Variants in STS observed in about 807,000 individuals in gnomAD.
The protein encoded by STS is steroid sulfatase.
A neutral mutation model predicts 26.8 loss-of-function variants in STS; 7 were observed. The ratio of observed to expected loss-of-function variants is 0.26; its 90% CI spans 0.15 to 0.49. The LOEUF (loss-of-function observed/expected upper bound fraction) is 0.49. Among genes scored for constraint, STS ranks in the 20% least tolerant of loss-of-function variants. The probability of loss-of-function intolerance (pLI) is 0.98; values close to 1 mark genes in which losing one functional copy is unlikely to be tolerated. For missense variants in STS, 434 were observed against 465.6 expected, an observed-to-expected ratio of 0.93 and a Z score of 0.63; for synonymous variants, 199 against 189.4, an observed-to-expected ratio of 1.05 and a Z score of -0.42.
chrX:7,148,351 C>T lies in STS; in HGVS notation c.-134+268C>T, dbSNP rs777465461. ...TGCAGACCCGGGATGCGGCGCGGGC[C>T]GGCGCTGTATGTTTACCCGCATCAA... On this transcript the variant is annotated intron_variant, in intron 1 of 10. Transcript: ENST00000674429. Among the ~76,000 whole-genome samples, 414 of 112,624 alleles carry T rather than the reference C, an allele frequency of 3.7e-3. 2 individuals carry two copies. The highest frequency in any genetic ancestry group is 5.5e-3 in the Non-Finnish European group (291 of 53,152).
rs779583044 is a variant in STS at position 7,350,468 on chromosome X, G to T, written c.*207G>T. 9.9e-4 allele frequency: 478 copies of T among 483,064 alleles called. No individual in the cohort carries two copies. Among genetic ancestry groups the T allele is most frequent in the Non-Finnish European group, 1.4e-3 (399 of 294,170 alleles). 39.8% of individuals were successfully genotyped at this position (483,064 alleles called of 1,213,427 possible). A position where few individuals can be genotyped will look rare whatever the true frequency, so the allele number is the denominator to read the frequency against. On this transcript the variant is annotated 3_prime_UTR_variant, in exon 11 of 11. Coordinates refer to ENST00000674429, the MANE Select transcript of STS (RefSeq NM_001320752.2). ...GGATAAGGTCTGTAGTATACAGACA[G>T]GAAGATGGTAGGTTTATGCCTTCTG...
At chrX:7,332,491 G>A (rs996685686) in intron 9 of STS, among the ~76,000 whole-genome samples, 16 of 110,040 alleles carry the variant, frequency 1.5e-4, no homozygotes, top group Non-Finnish European at 2.8e-4. Flanking sequence ...CCAGAAAATG[G>A]GGATTTCATC....
chrX:7,161,596 G>A (rs998235823), intron 1 of STS, among the ~76,000 whole-genome samples: 1 of 111,764 alleles, frequency 8.9e-6, no homozygotes. Flanking sequence ...GTTATCTTAT[G>A]AGCAATTATA....
chrX:7,302,535 C>T (rs1191681577), intron 7 of STS, among the ~76,000 whole-genome samples: 9 of 111,649 alleles, frequency 8.1e-5, no homozygotes, highest in Admixed American at 6.7e-4. Context: ...CTGAGTATGA[C>T]ATTTACATAT....
At chrX:7,157,357 C>T (rs183982645) in intron 1 of STS, among the ~76,000 whole-genome samples, 1 of 111,336 alleles carries the variant, frequency 9.0e-6, no homozygotes, top group African/African-American at 3.3e-5. Flanking sequence ...CACCAACAGT[C>T]TCTCTTATGG....
chrX:7,207,784 C>G (rs1920960879), intron 2 of STS, among the ~76,000 whole-genome samples: 2 of 112,322 alleles, frequency 1.8e-5, no homozygotes, highest in Non-Finnish European at 3.8e-5. Flanking sequence ...AGGAACTTCA[C>G]AAGTAACTGA....
Position 7,346,710 on chromosome X carries a change from A to G in STS, c.1364-3178A>G, listed in dbSNP as rs747608105. 2.7e-5 allele frequency among the ~76,000 whole-genome samples: 3 copies of G among 112,292 alleles called. No homozygotes were observed. In the East Asian group the frequency reaches 8.4e-4, roughly 31 times the overall value. On this transcript the variant is annotated intron_variant, in intron 10 of 10. Transcript: ENST00000674429. ...TTTAACATTTTTCTAGTATATGAGG[A>G]TACTCAGGATGAAGTATGTTATCAA... is the stretch of plus-strand genomic sequence containing the variant.
rs1934204582 is a variant in STS, at chrX:7,205,633, T to TC, written c.-5+14626dup. Reference sequence around the variant, plus strand: ...TCTTTTCTTTCGTTTTCTTTTCTTTTCTTTTTTCTTTTTTTTTTTTTTTGA... The same window carrying TC: ...TCTTTTCTTTCGTTTTCTTTTCTTTTCCTTTTTTCTTTTTTTTTTTTTTTGA... On this transcript the variant is annotated intron_variant, in intron 2 of 10. Transcript: ENST00000674429. 6.3e-5 allele frequency among the ~76,000 whole-genome samples: 6 copies of TC among 95,705 alleles called. No homozygotes were observed. The South Asian group carries it at 3.2e-3, about 51-fold the overall frequency. The allele number at this position is 95,705 out of a possible 115,157, so 83.1% of individuals were successfully genotyped here.
At chrX:7,256,807 G>A (rs765953146) in intron 3 of STS, among the ~76,000 whole-genome samples, 3 of 111,831 alleles carry the variant, frequency 2.7e-5, no homozygotes, top group Non-Finnish European at 3.8e-5. Context: ...CATCTGCATG[G>A]TTTTGTTGTA....
intron 2 of STS, chrX:7,219,738 C>G: frequency 8.5e-7 from 1 of 1,183,176 alleles, no homozygotes; most frequent in Non-Finnish European, 1.2e-6. Flanking sequence ...CTGAAACATA[C>G]TAGTTGGGAT....
At chrX:7,325,205 G>T in intron 8 of STS, 134 bp from the exon 9 acceptor site, 1 of 648,228 alleles carries the variant, frequency 1.5e-6, no homozygotes, top group South Asian at 2.4e-5. Flanking sequence ...ATTGCTCATG[G>T]AATACTCATA....
Position 7,148,082 on chromosome X carries a change from A to T in STS, c.-135A>T. 8.9e-7 allele frequency: 1 copy of T among 1,125,018 alleles called. No individual in the cohort carries two copies. The highest frequency in any genetic ancestry group is 1.2e-6 in the Non-Finnish European group (1 of 849,644). 92.7% of individuals were successfully genotyped at this position (1,125,018 alleles called of 1,213,427 possible). On this transcript the variant is annotated splice_region_variant and 5_prime_UTR_variant, in exon 1 of 11. Transcript: ENST00000674429. Reference sequence around the variant, plus strand: ...AAGAAGTCCGTCCATGTCAAAGATGAGGTGGGTGACGGGCTGCGGGGGCGC... The same window carrying T: ...AAGAAGTCCGTCCATGTCAAAGATGTGGTGGGTGACGGGCTGCGGGGGCGC...
intron 2 of STS, among the ~76,000 whole-genome samples, chrX:7,222,838 G>C (rs749092451): frequency 5.4e-5 from 6 of 111,309 alleles, no homozygotes; most frequent in African/African-American, 2.0e-4. Context: ...TGGACTTTTA[G>C]TGTACCCATC....
intron 1 of STS, among the ~76,000 whole-genome samples, chrX:7,163,196 C>T (rs1278335047): frequency 3.6e-5 from 4 of 111,811 alleles, no homozygotes; most frequent in Non-Finnish European, 7.5e-5. Flanking sequence ...GAGCATTATC[C>T]CTGGGCTCCA....
At chrX:7,302,633 T>C (rs186778781) in intron 7 of STS, among the ~76,000 whole-genome samples, 1 of 111,990 alleles carries the variant, frequency 8.9e-6, no homozygotes. Flanking sequence ...TGCAATCAAA[T>C]AGCAAAAATA....
intron 5 of STS, among the ~76,000 whole-genome samples, chrX:7,259,090 C>A (rs1275929590): frequency 1.8e-5 from 2 of 110,254 alleles, no homozygotes; most frequent in Non-Finnish European, 3.8e-5. Context: ...GGATTTTTAT[C>A]TGGTTGAGAT....
intron 7 of STS, among the ~76,000 whole-genome samples, chrX:7,282,023 T>C (rs1278657524): frequency 8.9e-6 from 1 of 112,164 alleles, no homozygotes; most frequent in Non-Finnish European, 1.9e-5. Flanking sequence ...GCAGATTAAT[T>C]GGAGAAAAGT....
Position 7,250,884 on chromosome X carries a change from G to A in STS, c.-4-2312G>A, listed in dbSNP as rs902783325. Among the ~76,000 whole-genome samples the A allele has an allele frequency of 3.6e-5, 4 of 112,346 alleles. No homozygotes were observed. The Admixed American group carries it at 3.8e-4, about 11-fold the overall frequency. ...AGATGAGGAAAGCAGAAAGTGTCTTGAGGCTCACAACATTTAAAGTGCAGA... is the reference window on the plus strand; with the variant it reads ...AGATGAGGAAAGCAGAAAGTGTCTTAAGGCTCACAACATTTAAAGTGCAGA... On this transcript the variant is annotated intron_variant, in intron 2 of 10. Transcript: ENST00000674429.
chrX:7,199,477 A>G (rs1348499872), intron 2 of STS, among the ~76,000 whole-genome samples: 1 of 111,984 alleles, frequency 8.9e-6, no homozygotes, highest in Non-Finnish European at 1.9e-5. Flanking sequence ...GTGTTTTCAC[A>G]GTTTCCTCTT....
Sources: allele counts gnomAD v4.1 joint callset (sites outside exome capture counted in the v4.1 genomes callset), GRCh38; gene constraint gnomAD v4.1.1; transcripts MANE v1.5; gene names NCBI Gene and HGNC (gene_info 2026-07-23, HGNC 2026-07-21).